The following PBX3 variants were observed in gnomAD, a reference collection of about 807,000 sequenced individuals.
PBX3 encodes the protein pre-B-cell leukemia transcription factor 3.
Under a neutral mutation model 48.5 loss-of-function variants are expected in PBX3, and 14 were observed. The ratio of observed to expected loss-of-function variants is 0.29; its 90% confidence interval spans 0.19 to 0.45. PBX3 has a LOEUF of 0.45. PBX3 is among the 20% of genes least tolerant of loss of function. The pLI, the probability that PBX3 is intolerant of heterozygous loss-of-function variation, is 1.00. For synonymous variants in PBX3, 210 were observed against 200.3 expected (o/e 1.05, Z -0.41); for missense variants, 386 against 546.7 (o/e 0.71, Z 2.93).
chr9:125,929,538 C>T (rs921756325), intron 3 of PBX3, 117 bp from the exon 4 acceptor site: 9 of 666,976 alleles, frequency 1.3e-5, no homozygotes, highest in Admixed American at 6.0e-5. Context: ...TTCATTTTAC[C>T]CTACACACTG....
At chr9:125,773,762 AT>A (rs1162449574) in intron 2 of PBX3, among the ~76,000 whole-genome samples, 1 of 152,152 alleles carries the variant, frequency 6.6e-6, no homozygotes. Context: ...ATAATGTTGA[AT>A]TATTTTCCAA....
chr9:125,815,069 T>C (rs1288039792), intron 2 of PBX3, among the ~76,000 whole-genome samples: 3 of 152,214 alleles, frequency 2.0e-5, no homozygotes, highest in Non-Finnish European at 1.5e-5. Context: ...AGATAATTTT[T>C]CCTCACAACC....
At chr9:125,766,964 T>C (rs988626674) in intron 2 of PBX3, among the ~76,000 whole-genome samples, 9 of 152,178 alleles carry the variant, frequency 5.9e-5, no homozygotes, top group Non-Finnish European at 1.2e-4. Flanking sequence ...ATTGCTATAG[T>C]TTTTTGTTCT....
intron 2 of PBX3, among the ~76,000 whole-genome samples, chr9:125,823,645 A>G (rs1267850783): frequency 6.6e-6 from 1 of 152,050 alleles, no homozygotes; most frequent in Non-Finnish European, 1.5e-5. Flanking sequence ...TTTTAAAAAA[A>G]GAAAGAAAGA....
At chr9:125,816,184 G>T (rs966091713) in intron 2 of PBX3, among the ~76,000 whole-genome samples, 1 of 152,036 alleles carries the variant, frequency 6.6e-6, no homozygotes, top group Non-Finnish European at 1.5e-5. Context: ...TTTTTGTAGA[G>T]ACTGGGTTTT....
At chr9:125,886,501 C>T (rs1447340884) in intron 2 of PBX3, among the ~76,000 whole-genome samples, 1 of 152,094 alleles carries the variant, frequency 6.6e-6, no homozygotes, top group Admixed American at 6.5e-5. Context: ...TGTGGAAATG[C>T]TGGAATGTGT....
intron 2 of PBX3, among the ~76,000 whole-genome samples, chr9:125,772,871 G>C (rs1836976056): frequency 6.6e-6 from 1 of 152,206 alleles, no homozygotes; most frequent in African/African-American, 2.4e-5. Context: ...TTTGAGACCA[G>C]TCTGGGCAAC....
At chr9:125,780,635 C>T (rs1315382032) in intron 2 of PBX3, among the ~76,000 whole-genome samples, 7 of 117,596 alleles carry the variant, frequency 6.0e-5, no homozygotes, top group South Asian at 2.8e-4. Flanking sequence ...GCTGGCCGGG[C>T]GGGGGGCTGA....
chr9:125,784,097 C>T lies in PBX3; in HGVS notation c.274+35474C>T, dbSNP rs182752612. Among the ~76,000 whole-genome samples the T allele has an allele frequency of 3.4e-4, 51 of 152,184 alleles. No individual in the cohort carries two copies. The East Asian group carries it at 9.7e-3, about 29-fold the overall frequency. Reference sequence around the variant, plus strand: ...CTGTTAATGTCTTCTGTGGATGGGCCATAGTTTTTGTTTCTTGATGGGTTT... The same window carrying T: ...CTGTTAATGTCTTCTGTGGATGGGCTATAGTTTTTGTTTCTTGATGGGTTT... On this transcript the variant is annotated intron_variant, in intron 2 of 8. Coordinates refer to ENST00000373489, the MANE Select transcript of PBX3 (RefSeq NM_006195.6).
chr9:125,824,144 C>T (rs1352266802), intron 2 of PBX3, among the ~76,000 whole-genome samples: 3 of 151,548 alleles, frequency 2.0e-5, no homozygotes, highest in Non-Finnish European at 4.4e-5. Flanking sequence ...GGTGTTTGAC[C>T]TCTGTATACA....
intron 5 of PBX3, among the ~76,000 whole-genome samples, chr9:125,941,370 T>A (rs987880175): frequency 1.3e-5 from 2 of 152,140 alleles, no homozygotes; most frequent in Non-Finnish European, 2.9e-5. Context: ...GCTTTCACTG[T>A]GAGATGGGGA....
chr9:125,785,217 C>T (rs1564653727), intron 2 of PBX3, among the ~76,000 whole-genome samples: 1 of 152,110 alleles, frequency 6.6e-6, no homozygotes. Flanking sequence ...TGAAGGATGC[C>T]TAGATAGCTG....
intron 3 of PBX3, among the ~76,000 whole-genome samples, chr9:125,920,451 A>G (rs1165928600): frequency 6.6e-6 from 1 of 152,188 alleles, no homozygotes; most frequent in Non-Finnish European, 1.5e-5. Context: ...CCACCCTACC[A>G]AAAGGAAATG....
At chr9:125,885,324 T>A (rs1345754081) in intron 2 of PBX3, among the ~76,000 whole-genome samples, 1 of 152,162 alleles carries the variant, frequency 6.6e-6, no homozygotes, top group Non-Finnish European at 1.5e-5. Context: ...AATAGGCTAT[T>A]TAGGTTATTA....
chr9:125,842,814 T>C (rs1839323730), intron 2 of PBX3, among the ~76,000 whole-genome samples: 1 of 152,204 alleles, frequency 6.6e-6, no homozygotes, highest in Non-Finnish European at 1.5e-5. Flanking sequence ...CTTTGATTGC[T>C]GATTTTTTTG....
chr9:125,945,949 C>G (rs1347342833), intron 5 of PBX3, among the ~76,000 whole-genome samples: 3 of 152,282 alleles, frequency 2.0e-5, no homozygotes, highest in South Asian at 4.2e-4. Flanking sequence ...CGACATTTCC[C>G]TGATTCCATT....
intron 2 of PBX3, among the ~76,000 whole-genome samples, chr9:125,796,410 A>G (rs530693358): frequency 5.3e-5 from 8 of 152,208 alleles, no homozygotes; most frequent in Admixed American, 1.3e-4. Context: ...TTGAGAATCC[A>G]TTTTCTCCAC....
intron 3 of PBX3, among the ~76,000 whole-genome samples, chr9:125,926,639 A>G (rs1841583614): frequency 6.6e-6 from 1 of 151,924 alleles, no homozygotes; most frequent in African/African-American, 2.4e-5. Context: ...CAACATGGTG[A>G]AACCCCATCT....
intron 2 of PBX3, among the ~76,000 whole-genome samples, chr9:125,859,381 A>G (rs565514880): frequency 2.0e-5 from 3 of 152,194 alleles, no homozygotes; most frequent in African/African-American, 7.2e-5. Context: ...GAGGGAAGGC[A>G]ATGAAGAACA....
Sources: gnomAD v4.1 joint callset for allele counts (sites outside exome capture counted in the v4.1 genomes callset) on GRCh38, gnomAD v4.1.1 for gene constraint, MANE v1.5 for transcripts, NCBI Gene and HGNC (gene_info 2026-07-23, HGNC 2026-07-21) for gene names.